Variants in DUSP4 observed in about 807,000 individuals in gnomAD.
The protein encoded by DUSP4 is dual specificity protein phosphatase 4.
Under a neutral mutation model 27.2 loss-of-function variants are expected in DUSP4, and 12 were observed. The observed-to-expected ratio is 0.44, with a 90% CI of 0.28 to 0.71. The LOEUF is 0.71. Among genes scored for constraint, DUSP4 ranks in the 30% least tolerant of loss-of-function variants. The probability of loss-of-function intolerance (pLI) is 0.14; values close to 1 mark genes in which losing one functional copy is unlikely to be tolerated. For synonymous variants in DUSP4, 257 were observed against 245.2 expected, an observed-to-expected ratio of 1.05 and a Z score of -0.45; for missense variants, 448 against 551.3, an observed-to-expected ratio of 0.81 and a Z score of 1.88.
chr8:29,347,721 A>C, intron 1 of DUSP4: 1 of 983,666 alleles, frequency 1.0e-6, no homozygotes, highest in Non-Finnish European at 1.2e-6. Context: ...TCCAGGAGGA[A>C]ACAGCCCTTA....
At chr8:29,341,452 C>T (rs1339506932) in intron 1 of DUSP4, among the ~76,000 whole-genome samples, 2 of 152,236 alleles carry the variant, frequency 1.3e-5, no homozygotes, top group African/African-American at 2.4e-5. Flanking sequence ...GGTTCTCTAC[C>T]ACATCATGAG....
chr8:29,342,392 C>T (rs575097747), intron 1 of DUSP4, among the ~76,000 whole-genome samples: 10 of 152,142 alleles, frequency 6.6e-5, no homozygotes, highest in Admixed American at 2.0e-4. Flanking sequence ...GTTCTGACAG[C>T]CAGGCTCTGT....
At chr8:29,349,772 T>C in intron 1 of DUSP4, 74 bp downstream of exon 1, 1 of 1,411,446 alleles carries the variant, frequency 7.1e-7, no homozygotes, top group African/African-American at 1.5e-5. Flanking sequence ...CTCCTTCCCG[T>C]GCCAATAAGG....
intron 2 of DUSP4, among the ~76,000 whole-genome samples, chr8:29,339,646 C>T (rs1029881698): frequency 6.6e-6 from 1 of 152,112 alleles, no homozygotes; most frequent in South Asian, 2.1e-4. Flanking sequence ...TACCTAACAT[C>T]CCACCCCAAT....
intron 1 of DUSP4, among the ~76,000 whole-genome samples, chr8:29,346,612 T>C (rs1182335567): frequency 6.6e-6 from 1 of 152,198 alleles, no homozygotes; most frequent in Non-Finnish European, 1.5e-5. Flanking sequence ...GATTTTAAAT[T>C]AAATGAGTTT....
In DUSP4 at chr8:29,350,533, G is replaced by A. The variant is rs1183625117; in HGVS notation, c.-255C>T. ...GCGCAGAGCGGAGGGGGAGGCGCCG[G>A]TGGAGGAGAGTGTGTTTACGAGAGA... On this transcript the variant is annotated 5_prime_UTR_variant, in exon 1 of 4. Coordinates refer to ENST00000240100, the MANE Select transcript of DUSP4 (RefSeq NM_001394.7). 3 of 516,878 alleles carry A rather than the reference G, an allele frequency of 5.8e-6. No homozygotes were observed. The highest frequency in any genetic ancestry group is 3.0e-5 in the South Asian group (1 of 33,482). The allele number at this position is 516,878 out of a possible 1,614,324, so 32.0% of individuals were successfully genotyped here. A position where few individuals can be genotyped will look rare whatever the true frequency, so the allele number is the denominator to read the frequency against.
intron 2 of DUSP4, among the ~76,000 whole-genome samples, chr8:29,339,189 TAAAC>T (rs1464975257): frequency 1.3e-5 from 2 of 152,068 alleles, no homozygotes; most frequent in African/African-American, 2.4e-5. Context: ...TCTCTAAAAA[TAAAC>T]AAATAAATAA....
chr8:29,337,887 G>A lies in DUSP4; in HGVS notation c.799+395C>T, dbSNP rs980166389. Among the ~76,000 whole-genome samples, 2 of 152,164 alleles carry A rather than the reference G, an allele frequency of 1.3e-5. No individual in the cohort carries two copies. Among genetic ancestry groups the A allele is most frequent in the Non-Finnish European group, 2.9e-5 (2 of 68,030 alleles). On this transcript the variant is annotated intron_variant, in intron 3 of 3. Transcript: ENST00000240100. This position sits in a 1 kb window ranked among gnomAD's most constrained non-coding sequence, Gnocchi z 6.4. The stretch of plus-strand genomic sequence containing the variant: ...AATCACTTGCACCCCAGAAGCGGAG[G>A]TTGCAGTGAGCTGAGATGGCGCCAC...
chr8:29,340,324 A>C (rs886210224), intron 1 of DUSP4, 81 bp from the exon 2 acceptor site: 2 of 1,493,904 alleles, frequency 1.3e-6, no homozygotes, highest in African/African-American at 1.4e-5. Flanking sequence ...CTACAGACTC[A>C]GGCGGACTGC....
Position 29,345,367 on chromosome 8 carries a change from C to T in DUSP4, c.433+4479G>A, listed in dbSNP as rs368819747. The T allele has an allele frequency of 1.5e-5, 24 of 1,613,620 alleles. No individual in the cohort carries two copies. In the African/African-American group the frequency reaches 2.9e-4, roughly 20 times the overall value. On this transcript the variant is annotated intron_variant, in intron 1 of 3. Coordinates refer to ENST00000240100, the MANE Select transcript of DUSP4 (RefSeq NM_001394.7). The stretch of plus-strand genomic sequence containing the variant: ...TTAAAATCCAACTAAGTGAACTTCT[C>T]ACCTTGAGACTCTGAACACAGACAC...
In DUSP4 at chr8:29,337,189, G is replaced by A. The variant is rs974286158; in HGVS notation, c.1022C>T (p.Ala341Val). ...ESQVLATSCAAEAASPSGPLR... is the reference protein window; with the variant it reads ...ESQVLATSCAVEAASPSGPLR... The stretch of plus-strand genomic sequence containing the variant: ...GGGTCCCGAGGGGCTAGCAGCCTCC[G>A]CAGCACAGGACGTGGCCAGCACCTG... The change falls in exon 4 of 4, where the codon GCG becomes GTG. Residue 341 changes from alanine to valine, a missense_variant. Physicochemically the swap from Ala to Val is moderately conservative, Grantham distance 64. Coordinates refer to ENST00000240100, the MANE Select transcript of DUSP4 (RefSeq NM_001394.7). The surrounding 1 kb of genome is among the most constrained non-coding windows in gnomAD (Gnocchi z 6.4). 3 of 1,613,066 alleles carry A rather than the reference G, an allele frequency of 1.9e-6. No individual in the cohort carries two copies. The highest frequency in any genetic ancestry group is 1.3e-5 in the African/African-American group (1 of 75,044).
rs147913032 is a variant in DUSP4 at position 29,335,213 on chromosome 8, C to G, written c.*1813G>C. 3 of 152,158 alleles carry G rather than the reference C, an allele frequency of 2.0e-5. No individual in the cohort carries two copies. The highest frequency in any genetic ancestry group is 4.8e-5 in the African/African-American group (2 of 41,406). The allele number at this position is 152,158 out of a possible 1,614,324, so 9.4% of individuals were successfully genotyped here. A position where few individuals can be genotyped will look rare whatever the true frequency, so the allele number is the denominator to read the frequency against. On this transcript the variant is annotated 3_prime_UTR_variant, in exon 4 of 4. Transcript: ENST00000240100. ...GTAGCTTGTTCCCTCCTCCCTCCCC[C>G]CCAAACCCTCCCCACAGAAAACGTG...
chr8:29,340,043 C>T (rs1817633973), intron 2 of DUSP4, 55 bp downstream of exon 2: 47 of 1,528,098 alleles, frequency 3.1e-5, no homozygotes, highest in Non-Finnish European at 3.9e-5. Flanking sequence ...AAGGCATCCA[C>T]TGGCCCCTAC....
chr8:29,344,238 C>T (rs758219947), intron 1 of DUSP4, among the ~76,000 whole-genome samples: 7 of 152,196 alleles, frequency 4.6e-5, no homozygotes, highest in Admixed American at 6.5e-5. Context: ...TACTTATTTG[C>T]GTGTCAGTTT....
intron 1 of DUSP4, among the ~76,000 whole-genome samples, chr8:29,346,804 G>T (rs572996474): frequency 4.5e-4 from 68 of 152,354 alleles, no homozygotes; most frequent in African/African-American, 1.5e-3. Flanking sequence ...CAACGTGGTT[G>T]AAGTAACCCT....
At chr8:29,342,938 C>T (rs893408060) in intron 1 of DUSP4, among the ~76,000 whole-genome samples, 3 of 152,070 alleles carry the variant, frequency 2.0e-5, no homozygotes, top group Admixed American at 6.5e-5. Flanking sequence ...GAGGCCGAGG[C>T]GGGTGGATCA....
chr8:29,337,609 A>G lies in DUSP4; in HGVS notation c.800-198T>C, dbSNP rs17059930. On this transcript the variant is annotated intron_variant, in intron 3 of 3. Transcript: ENST00000240100. The surrounding 1 kb of genome is among the most constrained non-coding windows in gnomAD (Gnocchi z 6.4). ...CTGAGGTCTATTTTCCCGAATCACT[A>G]TGCTGAAGCTGGTTAAATCCTATTA... is the stretch of plus-strand genomic sequence containing the variant. 0.024 allele frequency among the ~76,000 whole-genome samples: 3,601 copies of G among 152,306 alleles called. 157 individuals carry two copies. The highest frequency in any genetic ancestry group is 0.083 in the African/African-American group (3,438 of 41,552).
At chr8:29,343,301 C>G (rs532710626) in intron 1 of DUSP4, among the ~76,000 whole-genome samples, 1 of 152,256 alleles carries the variant, frequency 6.6e-6, no homozygotes, top group Non-Finnish European at 1.5e-5. Context: ...AGATGCCACA[C>G]TAAAGGGGGT....
intron 1 of DUSP4, chr8:29,347,820 C>G (rs1817756759): frequency 1.0e-6 from 1 of 985,592 alleles, no homozygotes; most frequent in Non-Finnish European, 1.2e-6. Flanking sequence ...AGTCACTAGC[C>G]TCGCCCAGAA....
Sources: gnomAD v4.1 joint callset for allele counts (sites outside exome capture counted in the v4.1 genomes callset) on GRCh38, gnomAD v4.1.1 for gene constraint, Gnocchi (gnomAD v3.1) non-coding constraint, MANE v1.5 for transcripts, NCBI Gene and HGNC (gene_info 2026-07-23, HGNC 2026-07-21) for gene names.